Variants in IL1RAPL2 observed in about 807,000 individuals in gnomAD.
IL1RAPL2 encodes interleukin 1 receptor accessory protein like 2, also known as X-linked interleukin-1 receptor accessory protein-like 2.
In IL1RAPL2, 3 loss-of-function variants were observed where a neutral mutation model predicts 44.1. The observed-to-expected ratio is 0.07, with a 90% CI of 0.03 to 0.18. The LOEUF (loss-of-function observed/expected upper bound fraction) is 0.18. Among genes scored for constraint, IL1RAPL2 ranks in the 10% least tolerant of loss-of-function variants. IL1RAPL2 has a pLI of 1.00. For missense variants in IL1RAPL2, 391 were observed against 496.4 expected (o/e 0.79, Z 2.02); for synonymous variants, 181 against 178.8 (o/e 1.01, Z -0.10).
At chrX:105,387,192 G>T (rs1430931162) in intron 5 of IL1RAPL2, among the ~76,000 whole-genome samples, 1 of 104,659 alleles carries the variant, frequency 9.6e-6, no homozygotes, top group East Asian at 3.0e-4. Context: ...ATAAGATATT[G>T]TTAACCTACA....
At chrX:105,683,571 C>T (rs1052577538) in intron 6 of IL1RAPL2, among the ~76,000 whole-genome samples, 2 of 110,244 alleles carry the variant, frequency 1.8e-5, no homozygotes, top group Admixed American at 9.7e-5. Context: ...TCTATGTGGT[C>T]CTCAATAAGC....
At chrX:104,830,931 C>A (rs905096987) in intron 2 of IL1RAPL2, among the ~76,000 whole-genome samples, 1 of 111,742 alleles carries the variant, frequency 8.9e-6, no homozygotes, top group African/African-American at 3.2e-5. Flanking sequence ...TTTGGCAGGG[C>A]AGCTATTATT....
At chrX:104,776,551 AAAG>A (rs1296039768) in intron 2 of IL1RAPL2, among the ~76,000 whole-genome samples, 3 of 111,851 alleles carry the variant, frequency 2.7e-5, no homozygotes, top group African/African-American at 9.7e-5. Flanking sequence ...TAATTAGATT[AAAG>A]AAGTGATCAG....
intron 5 of IL1RAPL2, among the ~76,000 whole-genome samples, chrX:105,372,337 G>A (rs934841813): frequency 1.0e-4 from 11 of 108,384 alleles, no homozygotes; most frequent in Admixed American, 5.0e-4. Context: ...TTTAGAGACC[G>A]AGGCAGGAGA....
intron 1 of IL1RAPL2, among the ~76,000 whole-genome samples, chrX:104,617,341 C>G (rs182997842): frequency 9.0e-6 from 1 of 111,579 alleles, no homozygotes; most frequent in Non-Finnish European, 1.9e-5. Flanking sequence ...TGACTGCATG[C>G]CTTGGTGATG....
intron 6 of IL1RAPL2, among the ~76,000 whole-genome samples, chrX:105,616,214 T>G (rs1019566452): frequency 8.9e-6 from 1 of 111,871 alleles, no homozygotes; most frequent in Non-Finnish European, 1.9e-5. Flanking sequence ...ATAATATGCA[T>G]GAGCAAGAGT....
chrX:105,290,576 G>T (rs768406156), intron 5 of IL1RAPL2, among the ~76,000 whole-genome samples: 1 of 111,968 alleles, frequency 8.9e-6, no homozygotes, highest in African/African-American at 3.2e-5. Context: ...GAAAGTCAAG[G>T]GCCAGATAAT....
At chrX:105,665,988 T>C in intron 6 of IL1RAPL2, among the ~76,000 whole-genome samples, 1 of 109,134 alleles carries the variant, frequency 9.2e-6, no homozygotes, top group Middle Eastern at 4.7e-3. Context: ...GGTCTCGATC[T>C]CCTGACCTCG....
intron 2 of IL1RAPL2, among the ~76,000 whole-genome samples, chrX:105,008,492 GA>G (rs1390719654): frequency 9.0e-6 from 1 of 111,206 alleles, no homozygotes; most frequent in African/African-American, 3.3e-5. Context: ...ACAAAAACAA[GA>G]AATGGGGAAA....
At position 104,901,280 on chromosome X, in the gene IL1RAPL2, C is replaced by T. The variant is rs1018640164; in HGVS notation, c.82+242285C>T. On this transcript the variant is annotated intron_variant, in intron 2 of 10. Transcript: ENST00000372582. Reference sequence around the variant, plus strand: ...GGCTGGAGTGCAGTGGTGTGATCTCCGCTCACTGCAAGCTCCGCCTCCCGG... The same window carrying T: ...GGCTGGAGTGCAGTGGTGTGATCTCTGCTCACTGCAAGCTCCGCCTCCCGG... Among the ~76,000 whole-genome samples, 7 of 95,427 alleles carry T rather than the reference C, an allele frequency of 7.3e-5. No individual in the cohort carries two copies. In the East Asian group the frequency reaches 1.0e-3, roughly 14 times the overall value. The allele number at this position is 95,427 out of a possible 115,157, so 82.9% of individuals were successfully genotyped here.
chrX:104,907,092 A>G (rs2147679097), intron 2 of IL1RAPL2, among the ~76,000 whole-genome samples: 1 of 110,623 alleles, frequency 9.0e-6, no homozygotes, highest in Non-Finnish European at 1.9e-5. Context: ...ATTTGCGTAG[A>G]GGTGTTTGTA....
intron 2 of IL1RAPL2, among the ~76,000 whole-genome samples, chrX:105,169,917 T>C (rs2033408928): frequency 9.9e-6 from 1 of 101,101 alleles, no homozygotes. Context: ...GTTCCTCCTA[T>C]AAATTGAGTT....
chrX:104,619,852 C>T (rs1929351853), intron 1 of IL1RAPL2, among the ~76,000 whole-genome samples: 1 of 111,697 alleles, frequency 9.0e-6, no homozygotes, highest in Non-Finnish European at 1.9e-5. Context: ...TGGAGAAGTA[C>T]AGGTGCAATG....
At chrX:105,421,489 G>A (rs759264945) in intron 5 of IL1RAPL2, among the ~76,000 whole-genome samples, 2 of 111,579 alleles carry the variant, frequency 1.8e-5, no homozygotes, top group South Asian at 7.5e-4. Flanking sequence ...AAGAAAATAA[G>A]TCTATGATCT....
chrX:104,882,224 G>GTA (rs1923089391), intron 2 of IL1RAPL2, among the ~76,000 whole-genome samples: 1 of 112,227 alleles, frequency 8.9e-6, no homozygotes, highest in East Asian at 2.8e-4. Context: ...CTGGCTTCAG[G>GTA]TATATTTTTA....
intron 2 of IL1RAPL2, among the ~76,000 whole-genome samples, chrX:105,017,417 A>G (rs2031202852): frequency 9.0e-6 from 1 of 111,467 alleles, no homozygotes; most frequent in African/African-American, 3.3e-5. Flanking sequence ...GAACTCGGAG[A>G]TTTTAAAAAA....
intron 5 of IL1RAPL2, among the ~76,000 whole-genome samples, chrX:105,389,637 G>A (rs188924114): frequency 3.9e-4 from 43 of 111,548 alleles, no homozygotes; most frequent in African/African-American, 1.3e-3. Context: ...TTCTAGGGTG[G>A]AATAAATACA....
At chrX:105,032,600 A>G (rs1461687522) in intron 2 of IL1RAPL2, among the ~76,000 whole-genome samples, 3 of 111,940 alleles carry the variant, frequency 2.7e-5, no homozygotes, top group Admixed American at 1.9e-4. Context: ...ACGTTTTGTT[A>G]TAATTTCTGT....
At chrX:105,033,070 TG>T (rs1267148692) in intron 2 of IL1RAPL2, among the ~76,000 whole-genome samples, 7 of 111,786 alleles carry the variant, frequency 6.3e-5, no homozygotes, top group African/African-American at 2.3e-4. Context: ...GTTTTCCATT[TG>T]CTTGGTAGAT....
Sources: gnomAD v4.1 joint callset for allele counts (sites outside exome capture counted in the v4.1 genomes callset) on GRCh38, gnomAD v4.1.1 for gene constraint, MANE v1.5 for transcripts, NCBI Gene and HGNC (gene_info 2026-07-23, HGNC 2026-07-21) for gene names.